The following THRB variants were observed in gnomAD, a reference collection of about 807,000 sequenced individuals.
THRB encodes the protein thyroid hormone receptor beta.
A neutral mutation model predicts 47.8 loss-of-function variants in THRB; 12 were observed. The ratio of observed to expected loss-of-function variants is 0.25; its 90% CI spans 0.16 to 0.41. The LOEUF is 0.41. THRB is among the 10% of genes least tolerant of loss of function. THRB has a pLI of 1.00. For synonymous variants in THRB, 218 were observed against 212.2 expected (o/e 1.03, Z -0.24); for missense variants, 348 against 589.2 (o/e 0.59, Z 4.24).
intron 1 of THRB, among the ~76,000 whole-genome samples, chr3:24,416,652 T>C (rs1253588076): frequency 1.3e-5 from 2 of 151,884 alleles, no homozygotes; most frequent in East Asian, 3.9e-4. Flanking sequence ...GAGCAACCTA[T>C]TAACCTCGTT....
chr3:24,267,725 G>A (rs2052809861), intron 3 of THRB, among the ~76,000 whole-genome samples: 1 of 152,130 alleles, frequency 6.6e-6, no homozygotes, highest in South Asian at 2.1e-4. Context: ...ACTTGATGTT[G>A]CCTCTTAGTA....
At chr3:24,492,655 G>T (rs187693731) in intron 1 of THRB, among the ~76,000 whole-genome samples, 55 of 152,266 alleles carry the variant, frequency 3.6e-4, no homozygotes, top group East Asian at 1.9e-3. Context: ...CTGCTTTTAA[G>T]GCGATTTTAA....
At chr3:24,478,741 T>C (rs555552002) in intron 1 of THRB, among the ~76,000 whole-genome samples, 10 of 152,206 alleles carry the variant, frequency 6.6e-5, no homozygotes, top group African/African-American at 2.4e-4. Flanking sequence ...ATTTTCCGGA[T>C]TTGGAAACAT....
At chr3:24,261,273 C>A (rs1616400) in intron 3 of THRB, among the ~76,000 whole-genome samples, 1 of 151,718 alleles carries the variant, frequency 6.6e-6, no homozygotes, top group South Asian at 2.1e-4. Context: ...GAGGCCGAGG[C>A]GGGCAGATCA....
At chr3:24,196,439 T>A (rs796570158) in intron 4 of THRB, among the ~76,000 whole-genome samples, 4 of 152,098 alleles carry the variant, frequency 2.6e-5, no homozygotes, top group African/African-American at 9.7e-5. Context: ...ACCAAATAGG[T>A]TTATATATAA....
chr3:24,245,413 G>T (rs955439610), intron 3 of THRB, among the ~76,000 whole-genome samples: 4 of 152,162 alleles, frequency 2.6e-5, no homozygotes, highest in South Asian at 4.1e-4. Flanking sequence ...GATATTGACT[G>T]GTAGAGAAGA....
intron 1 of THRB, among the ~76,000 whole-genome samples, chr3:24,493,752 A>T (rs976244681): frequency 1.3e-5 from 2 of 151,944 alleles, no homozygotes; most frequent in Non-Finnish European, 2.9e-5. Context: ...TTGTACATTT[A>T]AAAAAAATTC....
chr3:24,292,391 C>G (rs1043644583), intron 3 of THRB, among the ~76,000 whole-genome samples: 14 of 152,100 alleles, frequency 9.2e-5, no homozygotes, highest in African/African-American at 3.4e-4. Flanking sequence ...AAAATTAAGT[C>G]TTTCAGTCCC....
chr3:24,486,566 T>C (rs1022519906), intron 1 of THRB: 2 of 152,224 alleles, frequency 1.3e-5, no homozygotes, highest in African/African-American at 4.8e-5. Flanking sequence ...GTGCACCACA[T>C]TCTAGTGCAT....
At chr3:24,158,931 T>C (rs148124840) in intron 5 of THRB, among the ~76,000 whole-genome samples, 3 of 152,150 alleles carry the variant, frequency 2.0e-5, no homozygotes, top group Non-Finnish European at 4.4e-5. Context: ...ATTTCCTGTT[T>C]TAAAAGACGG....
At chr3:24,473,921 G>C (rs1695073702) in intron 1 of THRB, among the ~76,000 whole-genome samples, 1 of 152,124 alleles carries the variant, frequency 6.6e-6, no homozygotes, top group Admixed American at 6.5e-5. Flanking sequence ...CATGGACACA[G>C]GGAGGGGAAC....
intron 4 of THRB, among the ~76,000 whole-genome samples, chr3:24,206,125 TG>T (rs777099134): frequency 1.9e-4 from 29 of 152,238 alleles, no homozygotes; most frequent in Non-Finnish European, 4.3e-4. Flanking sequence ...ATCCAGGAAT[TG>T]AACTCACCTC....
intron 5 of THRB, among the ~76,000 whole-genome samples, chr3:24,171,584 G>A (rs1268699785): frequency 6.6e-6 from 1 of 152,102 alleles, no homozygotes; most frequent in Non-Finnish European, 1.5e-5. Flanking sequence ...TTGAGGCCGT[G>A]ACCCACTCCT....
chr3:24,357,270 G>T (rs1281857408), intron 1 of THRB, among the ~76,000 whole-genome samples: 3 of 123,478 alleles, frequency 2.4e-5, no homozygotes, highest in African/African-American at 9.0e-5. Flanking sequence ...ATTGGGAAAA[G>T]CAAGGAGTCA....
At chr3:24,456,083 C>T (rs1348901067) in intron 1 of THRB, among the ~76,000 whole-genome samples, 2 of 152,248 alleles carry the variant, frequency 1.3e-5, no homozygotes, top group East Asian at 1.9e-4. Flanking sequence ...TATCCCAGCA[C>T]TTTGGGAGGC....
At chr3:24,427,556 G>A (rs1209421316) in intron 1 of THRB, among the ~76,000 whole-genome samples, 1 of 151,950 alleles carries the variant, frequency 6.6e-6, no homozygotes, top group East Asian at 1.9e-4. Context: ...ATACAAATAA[G>A]CAGAAAATTG....
At chr3:24,442,214 A>G (rs2071598575) in intron 1 of THRB, among the ~76,000 whole-genome samples, 1 of 152,164 alleles carries the variant, frequency 6.6e-6, no homozygotes, top group African/African-American at 2.4e-5. Context: ...CACAGTGTTT[A>G]TTTTTAAATG....
intron 3 of THRB, among the ~76,000 whole-genome samples, chr3:24,282,740 T>A (rs1198296465): frequency 6.7e-6 from 1 of 148,952 alleles, no homozygotes; most frequent in Non-Finnish European, 1.5e-5. Context: ...CAATAAAAAA[T>A]GATAAAGAGG....
chr3:24,209,557 C>T (rs1331592547), intron 4 of THRB, among the ~76,000 whole-genome samples: 1 of 152,166 alleles, frequency 6.6e-6, no homozygotes, highest in African/African-American at 2.4e-5. Context: ...ACCATATTCT[C>T]AGCAAACTAT....
Sources: allele counts gnomAD v4.1 joint callset (sites outside exome capture counted in the v4.1 genomes callset), GRCh38; gene constraint gnomAD v4.1.1; transcripts MANE v1.5; gene names NCBI Gene and HGNC (gene_info 2026-07-23, HGNC 2026-07-21).